PGM3: variants seen among roughly 807,000 people sequenced by gnomAD.
The protein encoded by PGM3 is phosphoglucomutase 3, also known as phosphoacetylglucosamine mutase.
Under a neutral mutation model 66.2 loss-of-function variants are expected in PGM3, and 40 were observed. The observed-to-expected ratio is 0.60, with a 90% confidence interval of 0.47 to 0.79. The LOEUF is 0.79. PGM3 is among the 30% of genes least tolerant of loss of function. PGM3 has a pLI of 0.00. For synonymous variants in PGM3, 191 were observed against 224.2 expected (o/e 0.85, Z 1.32); for missense variants, 537 against 643.4 (o/e 0.83, Z 1.79).
At position 83,181,830 on chromosome 6, in the gene PGM3, G is replaced by A. The variant is rs1386527192; in HGVS notation, c.693C>T (p.Gly231=). The change falls in exon 6 of 13, where the codon GGC becomes GGT. Residue 231 remains glycine (G), a synonymous_variant. Coordinates refer to ENST00000513973, the MANE Select transcript of PGM3 (RefSeq NM_015599.3). ...LREMEHYFSQ[G]LSVQLFNDGS... is the part of the protein sequence containing the mutation. The stretch of plus-strand genomic sequence containing the variant: ...CATCATTAAACAGCTGAACTGACAG[G>A]CCCTGTGAGAAGTAGTGTTCCATTT... The A allele has an allele frequency of 2.5e-6, 4 of 1,613,838 alleles. No individual in the cohort carries two copies. Among genetic ancestry groups the A allele is most frequent in the Admixed American group, 1.7e-5 (1 of 60,004 alleles).
At chr6:83,160,083 T>C, downstream of PGM3, 1 of 943,600 alleles carries the variant, frequency 1.1e-6, no homozygotes. Flanking sequence ...TTTACTAAAA[T>C]GTAATTCTTT....
chr6:83,180,433 T>C (rs973503559), intron 6 of PGM3, among the ~76,000 whole-genome samples: 1 of 152,144 alleles, frequency 6.6e-6, no homozygotes, highest in African/African-American at 2.4e-5. Context: ...AATTATAACT[T>C]TGAGAGATAA....
chr6:83,183,629 G>A (rs1174370327), intron 4 of PGM3, among the ~76,000 whole-genome samples: 2 of 152,138 alleles, frequency 1.3e-5, no homozygotes, highest in Non-Finnish European at 2.9e-5. Flanking sequence ...CAGGGAAGAC[G>A]GGAAAACCCA....
chr6:83,192,448 C>T (rs1789202621), intron 1 of PGM3, among the ~76,000 whole-genome samples: 1 of 152,226 alleles, frequency 6.6e-6, no homozygotes, highest in Non-Finnish European at 1.5e-5. Context: ...AGTCCGCCAG[C>T]TGCTAGCCTC....
At position 83,166,141 on chromosome 6, in the gene PGM3, G is replaced by A. The variant is rs977213986; in HGVS notation, c.*3093C>T. 2.2e-5 allele frequency: 10 copies of A among 458,678 alleles called. No individual in the cohort carries two copies. The highest frequency in any genetic ancestry group is 5.4e-5 in the South Asian group (1 of 18,502). The allele number at this position is 458,678 out of a possible 1,614,324, so 28.4% of individuals were successfully genotyped here. A position where few individuals can be genotyped will look rare whatever the true frequency, so the allele number is the denominator to read the frequency against. On this transcript the variant is annotated 3_prime_UTR_variant, in exon 13 of 13. Transcript: ENST00000513973. Reference sequence around the variant, plus strand: ...AGAGAAAATGACACTTCAAAACAACGAATTTTTTTATTTTTCACTCAGCTC... The same window carrying A: ...AGAGAAAATGACACTTCAAAACAACAAATTTTTTTATTTTTCACTCAGCTC...
At chr6:83,153,863 C>T in the PGM3 span, 35,691 of 1,581,404 alleles carry the variant, frequency 0.023, 516 homozygotes, top group South Asian at 0.034. Flanking sequence ...AGTTAGGACA[C>T]GTAGGTTAAG....
chr6:83,179,309 C>CA (rs940300357), intron 7 of PGM3, among the ~76,000 whole-genome samples: 1,939 of 71,344 alleles, frequency 0.027, 37 homozygotes, highest in African/African-American at 0.06. Context: ...AACACTGTCT[C>CA]AAAAAAAAAA....
Position 83,165,674 on chromosome 6 carries a change from A to G in PGM3, c.*3560T>C, listed in dbSNP as rs1369591818. 9.5e-6 allele frequency: 2 copies of G among 211,012 alleles called. No individual in the cohort carries two copies. Among genetic ancestry groups the G allele is most frequent in the South Asian group, 7.4e-5 (1 of 13,546 alleles). The allele number at this position is 211,012 out of a possible 1,614,324, so 13.1% of individuals were successfully genotyped here. A position where few individuals can be genotyped will look rare whatever the true frequency, so the allele number is the denominator to read the frequency against. On this transcript the variant is annotated 3_prime_UTR_variant, in exon 13 of 13. Coordinates refer to ENST00000513973, the MANE Select transcript of PGM3 (RefSeq NM_015599.3). ...CCTGCAAAACGTTGCTGAGATGCCT[A>G]AAGAAGTGGTAGTTTGTTGGCAAGA...
chr6:83,166,428 C>A lies in PGM3; in HGVS notation c.*2806G>T. ...TCATTAGCAGTTCCTGGGCCAAATG[C>A]ATTGTTGATGTTGTGTGTTGTCTCT... On this transcript the variant is annotated 3_prime_UTR_variant, in exon 13 of 13. Transcript: ENST00000513973. 1.4e-6 allele frequency: 1 copy of A among 702,002 alleles called. No homozygotes were observed. The allele number at this position is 702,002 out of a possible 1,614,324, so 43.5% of individuals were successfully genotyped here.
At chr6:83,176,492 C>T (rs1310433456) in intron 8 of PGM3, among the ~76,000 whole-genome samples, 2 of 152,176 alleles carry the variant, frequency 1.3e-5, no homozygotes, top group Non-Finnish European at 2.9e-5. Context: ...CAGCCACAGA[C>T]CATACATAAA....
At chr6:83,169,355 A>G in intron 12 of PGM3, 32 bp from the exon 13 acceptor site, 1 of 1,612,020 alleles carries the variant, frequency 6.2e-7, no homozygotes, top group Non-Finnish European at 8.5e-7. Flanking sequence ...ATTAGATGAG[A>G]AAGACATAGC....
In PGM3 at chr6:83,165,918, T is replaced by G. The variant is rs1282201770; in HGVS notation, c.*3316A>C. ...ATGGTTTCACCTGGATTCAGAAAGCTGTAGTGGATCAGACTGGCAGCAAAC... is the reference window on the plus strand; with the variant it reads ...ATGGTTTCACCTGGATTCAGAAAGCGGTAGTGGATCAGACTGGCAGCAAAC... On this transcript the variant is annotated 3_prime_UTR_variant, in exon 13 of 13. Transcript: ENST00000513973. 1 of 403,492 alleles carries G rather than the reference T, an allele frequency of 2.5e-6. No individual in the cohort carries two copies. Among genetic ancestry groups the G allele is most frequent in the African/African-American group, 2.1e-5 (1 of 48,524 alleles). The allele number at this position is 403,492 out of a possible 1,614,324, so 25.0% of individuals were successfully genotyped here.
rs902526556 is a variant in PGM3, at chr6:83,167,779, G to C, written c.*1455C>G. 4 of 1,460,494 alleles carry C rather than the reference G, an allele frequency of 2.7e-6. No homozygotes were observed. The African/African-American group carries it at 5.7e-5, about 21-fold the overall frequency. 90.5% of individuals were successfully genotyped at this position (1,460,494 alleles called of 1,614,324 possible). A position where few individuals can be genotyped will look rare whatever the true frequency, so the allele number is the denominator to read the frequency against. On this transcript the variant is annotated 3_prime_UTR_variant, in exon 13 of 13. Coordinates refer to ENST00000513973, the MANE Select transcript of PGM3 (RefSeq NM_015599.3). ...ATTTGTATTCATTTCTTGACCAATT[G>C]CCAAAGTTTATATATTTTTAATTTT... is the stretch of plus-strand genomic sequence containing the variant.
At chr6:83,178,551 T>C (rs1787942635) in intron 8 of PGM3, 122 bp downstream of exon 8, 1 of 680,840 alleles carries the variant, frequency 1.5e-6, no homozygotes. Context: ...CTCTTTACCT[T>C]TACATGAACA....
chr6:83,171,447 T>C (rs981747114), intron 11 of PGM3: 15 of 152,230 alleles, frequency 9.9e-5, no homozygotes, highest in Admixed American at 2.6e-4. Context: ...AGTTATTCTA[T>C]AATTTTTTTT....
chr6:83,180,065 T>A (rs954581615), intron 6 of PGM3, 98 bp from the exon 7 acceptor site: 3 of 874,784 alleles, frequency 3.4e-6, no homozygotes, highest in South Asian at 4.0e-5. Context: ...AAAATCAATG[T>A]CTTAATCTTA....
the PGM3 span, chr6:83,151,946 A>G: frequency 6.2e-7 from 1 of 1,613,990 alleles, no homozygotes; most frequent in Non-Finnish European, 8.5e-7. Flanking sequence ...GGAACAGACA[A>G]CATGGCTGCG....
intron 10 of PGM3, among the ~76,000 whole-genome samples, chr6:83,173,885 C>T (rs1030200271): frequency 9.2e-5 from 14 of 151,970 alleles, no homozygotes; most frequent in South Asian, 2.1e-4. Context: ...TACAGGTGCC[C>T]GCCACCATGC....
chr6:83,180,028 G>T, intron 6 of PGM3, 61 bp from the exon 7 acceptor site: 1 of 1,301,466 alleles, frequency 7.7e-7, no homozygotes, highest in Non-Finnish European at 1.1e-6. Flanking sequence ...AAGAGTTTTA[G>T]AATTTTCTCT....
Sources: gnomAD v4.1 joint callset for allele counts (sites outside exome capture counted in the v4.1 genomes callset) on GRCh38, gnomAD v4.1.1 for gene constraint, MANE v1.5 for transcripts, NCBI Gene and HGNC (gene_info 2026-07-23, HGNC 2026-07-21) for gene names.